RIF1: variants seen among roughly 807,000 people sequenced by gnomAD.
RIF1 encodes telomere-associated protein RIF1.
RIF1 carries 45 observed loss-of-function variants against 247.1 expected under a neutral mutation model. That is an observed-to-expected ratio of 0.18 (90% CI 0.14 to 0.23). The LOEUF (loss-of-function observed/expected upper bound fraction) is 0.23, where lower values mean the gene tolerates loss of function less well. Among genes scored for constraint, RIF1 ranks in the 10% least tolerant of loss-of-function variants. The pLI is 1.00. For missense variants in RIF1, 2,967 were observed against 2,862.5 expected (o/e 1.04, Z -0.83); for synonymous variants, 1,087 against 978.8 (o/e 1.11, Z -2.06).
In RIF1 at chr2:151,480,703, ATAGAG is replaced by A. The variant is rs759716836; in HGVS notation, c.*5635_*5639del. ...AAAATAAAGTGTCATGGAACTGAAA[ATAGAG>A]TATAGTCTAACAATTATTTTGATAC... On this transcript the variant is annotated 3_prime_UTR_variant, in exon 36 of 36. Coordinates refer to ENST00000444746, the MANE Select transcript of RIF1 (RefSeq NM_018151.5). 1.3e-5 allele frequency: 2 copies of A among 152,206 alleles called. No homozygotes were observed. Among genetic ancestry groups the A allele is most frequent in the Admixed American group, 6.5e-5 (1 of 15,278 alleles). 9.4% of individuals were successfully genotyped at this position (152,206 alleles called of 1,614,324 possible).
At chr2:151,416,213 G>A (rs1016270180) in intron 4 of RIF1, among the ~76,000 whole-genome samples, 2 of 152,206 alleles carry the variant, frequency 1.3e-5, no homozygotes, top group African/African-American at 4.8e-5. Flanking sequence ...GGAAGTGTTA[G>A]CAACCTAAAG....
At chr2:151,507,749 G>T (rs894675399) in exon 14 of RIF1, 5 of 415,600 alleles carry the variant, frequency 1.2e-5, no homozygotes, top group African/African-American at 9.9e-5. Flanking sequence ...CATGAACCTT[G>T]CCATGGGTGA....
chr2:151,474,987 C>G lies in RIF1; in HGVS notation c.7335C>G (p.His2445Gln). 6.2e-7 allele frequency: 1 copy of G among 1,613,326 alleles called. No homozygotes were observed. Among genetic ancestry groups the G allele is most frequent in the Non-Finnish European group, 8.5e-7 (1 of 1,179,518 alleles). ...NYSGSQLFEM[H>Q]EKLSCMANSV... is the part of the protein sequence containing the mutation. ...CAGGAAGCCAACTATTTGAAATGCA[C>G]GAGAAACTAAGTTGTATGGCAAACT... The change falls in exon 36 of 36, where the codon CAC becomes CAG. Residue 2445 changes from histidine (H) to glutamine (Q), a missense_variant. His to Gln is a conservative substitution (Grantham distance 24). Coordinates refer to ENST00000444746, the MANE Select transcript of RIF1 (RefSeq NM_018151.5).
intron 24 of RIF1, among the ~76,000 whole-genome samples, chr2:151,458,246 T>TC (rs1314053406): frequency 1.4e-5 from 2 of 147,516 alleles, no homozygotes; most frequent in Non-Finnish European, 3.0e-5. Flanking sequence ...TTTTTTTTTT[T>TC]TTTTGAGATA....
chr2:151,518,188 T>C, the RIF1 span: 18 of 728,368 alleles, frequency 2.5e-5, no homozygotes, highest in Non-Finnish European at 7.5e-6. Context: ...TTTCAAAAAG[T>C]TACCAGATTC....
intron 7 of RIF1, 114 bp downstream of exon 7, chr2:151,420,493 C>G: frequency 2.1e-6 from 2 of 972,792 alleles, no homozygotes. Flanking sequence ...AGTCCCAAAG[C>G]GGGAGGCTGA....
intron 8 of RIF1, among the ~76,000 whole-genome samples, chr2:151,424,768 A>G (rs1228149272): frequency 6.7e-6 from 1 of 149,276 alleles, no homozygotes; most frequent in Non-Finnish European, 1.5e-5. Context: ...TCCCAGTCTC[A>G]AACCATCCTT....
At position 151,415,581 on chromosome 2, in the gene RIF1, A is replaced by AG. The variant is rs1196650932; in HGVS notation, c.280+662_280+663insG. 2.1e-3 allele frequency among the ~76,000 whole-genome samples: 34 copies of AG among 15,924 alleles called. 1 individual carries two copies. The Non-Finnish European group carries it at 0.13, about 60-fold the overall frequency. The allele number at this position is 15,924 out of a possible 152,430, so 10.4% of individuals were successfully genotyped here. ...TCTGTCTCAAAAAAAAAAAAAAAAA[A>AG]AAAAGGATATTGCTGGGTGCAGTGT... On this transcript the variant is annotated intron_variant, in intron 4 of 35. Transcript: ENST00000444746.
At position 151,433,165 on chromosome 2, in the gene RIF1, A is replaced by G; in HGVS notation, c.1014A>G (p.Lys338=). 6.2e-7 allele frequency: 1 copy of G among 1,613,094 alleles called. No homozygotes were observed. The highest frequency in any genetic ancestry group is 1.1e-5 in the South Asian group (1 of 91,052). The change falls in exon 10 of 36, where the codon AAA becomes AAG. Residue 338 remains lysine (K), a synonymous_variant. Transcript: ENST00000444746. ...GAACAGAAACTCTAGCATTAACAAAACTAGAAGTCTGGTGGTATTTACTGA... is the reference window on the plus strand; with the variant it reads ...GAACAGAAACTCTAGCATTAACAAAGCTAGAAGTCTGGTGGTATTTACTGA... ...HVRTETLALT[K]LEVWWYLLMR... is the part of the protein sequence containing the mutation.
At chr2:151,484,123 T>C (rs2049336637), downstream of RIF1, among the ~76,000 whole-genome samples, 1 of 152,190 alleles carries the variant, frequency 6.6e-6, no homozygotes, top group African/African-American at 2.4e-5. Flanking sequence ...ATATTTTTGA[T>C]TCATGGTTGG....
At chr2:151,502,881 A>G in intron 11 of RIF1, 2 of 1,581,982 alleles carry the variant, frequency 1.3e-6, no homozygotes, top group Non-Finnish European at 1.7e-6. Flanking sequence ...TTCTTTGTAC[A>G]AAACCTGTGA....
chr2:151,486,635 C>G (rs2050646951), downstream of RIF1: 1 of 152,238 alleles, frequency 6.6e-6, no homozygotes, highest in African/African-American at 2.4e-5. Flanking sequence ...TAAGCAAGAT[C>G]TGGTATATCC....
rs1351674649 is a variant in RIF1 at position 151,479,107 on chromosome 2, G to T, written c.*4036G>T. On this transcript the variant is annotated 3_prime_UTR_variant, in exon 36 of 36. Coordinates refer to ENST00000444746, the MANE Select transcript of RIF1 (RefSeq NM_018151.5). The stretch of plus-strand genomic sequence containing the variant: ...AACACAGTCCCAGGTGATTCATGCA[G>T]ATGCCTGTGAACTGCGCTGGTAGAT... 1 of 152,212 alleles carries T rather than the reference G, an allele frequency of 6.6e-6. No homozygotes were observed. The highest frequency in any genetic ancestry group is 1.5e-5 in the Non-Finnish European group (1 of 68,034). The allele number at this position is 152,212 out of a possible 1,614,324, so 9.4% of individuals were successfully genotyped here.
At chr2:151,413,394 A>G (rs111791577) in intron 3 of RIF1, among the ~76,000 whole-genome samples, 1 of 152,320 alleles carries the variant, frequency 6.6e-6, no homozygotes, top group African/African-American at 2.4e-5. Context: ...TTGGATGCAC[A>G]TGGAAGGTTG....
intron 8 of RIF1, among the ~76,000 whole-genome samples, chr2:151,424,825 AT>A (rs71000475): frequency 0.021 from 981 of 47,268 alleles, no homozygotes; most frequent in Non-Finnish European, 0.029. Context: ...AGCCCGGCTG[AT>A]TTTTTTTTTT....
rs1169346108 is a variant in RIF1 at position 151,461,278 on chromosome 2, C to T, written c.3216C>T (p.Leu1072=). Reference sequence around the variant, plus strand: ...TAACTGATCATCAAAAAGAAGTTCTCAAAACAAAGCGGTTTGTAGGCCTTT... The same window carrying T: ...TAACTGATCATCAAAAAGAAGTTCTTAAAACAAAGCGGTTTGTAGGCCTTT... ...RILTDHQKEV[L]KTKRCDIPAM... Residue 1072 remains leucine, a synonymous_variant, in exon 27 of 36, where the codon CTC becomes CTT. Coordinates refer to ENST00000444746, the MANE Select transcript of RIF1 (RefSeq NM_018151.5). 1.9e-6 allele frequency: 3 copies of T among 1,611,072 alleles called. No homozygotes were observed. Among genetic ancestry groups the T allele is most frequent in the African/African-American group, 2.7e-5 (2 of 74,658 alleles).
At chr2:151,470,716 TCTG>T (rs1697655660) in intron 34 of RIF1, among the ~76,000 whole-genome samples, 1 of 152,156 alleles carries the variant, frequency 6.6e-6, no homozygotes, top group African/African-American at 2.4e-5. Flanking sequence ...ACTGAAGACT[TCTG>T]CTGTATTCTT....
chr2:151,493,750 G>GATTT (rs1574762318), intron 9 of RIF1: 2 of 1,474,330 alleles, frequency 1.4e-6, no homozygotes, highest in African/African-American at 1.4e-5. Flanking sequence ...AGATTTTAAG[G>GATTT]ATTTATTTTT....
the RIF1 span, chr2:151,513,678 CTCGCTTATAT>C: frequency 1.9e-6 from 3 of 1,601,816 alleles, no homozygotes; most frequent in Admixed American, 3.4e-5. Context: ...AGTTCCAGGT[CTCGCTTATAT>C]TCTTTCTATA....
Sources: allele counts gnomAD v4.1 joint callset (sites outside exome capture counted in the v4.1 genomes callset), GRCh38; gene constraint gnomAD v4.1.1; transcripts MANE v1.5; gene names NCBI Gene and HGNC (gene_info 2026-07-23, HGNC 2026-07-21).